The following CHAF1B variants were observed in gnomAD, a reference collection of about 807,000 sequenced individuals.
The protein encoded by CHAF1B is chromatin assembly factor 1 subunit B.
Under a neutral mutation model 60.7 loss-of-function variants are expected in CHAF1B, and 10 were observed. The observed-to-expected ratio is 0.16, with a 90% CI of 0.10 to 0.28. CHAF1B has a LOEUF of 0.28. Among genes scored for constraint, CHAF1B ranks in the 10% least tolerant of loss-of-function variants. CHAF1B has a pLI of 1.00. For synonymous variants in CHAF1B, 261 were observed against 266.1 expected, an observed-to-expected ratio of 0.98 and a Z score of 0.19; for missense variants, 558 against 708.4, an observed-to-expected ratio of 0.79 and a Z score of 2.41.
At chr21:36,396,318 A>G (rs535316100) in intron 5 of CHAF1B, among the ~76,000 whole-genome samples, 190 of 142,934 alleles carry the variant, frequency 1.3e-3, no homozygotes, top group African/African-American at 4.9e-3. Flanking sequence ...AGGTTTTATC[A>G]TAAGTGTGAT....
At position 36,409,465 on chromosome 21, in the gene CHAF1B, G is replaced by A; in HGVS notation, c.919G>A (p.Gly307Ser). 1 of 1,610,516 alleles carries A rather than the reference G, an allele frequency of 6.2e-7. No homozygotes were observed. The change falls in exon 10 of 14, where the codon GGT becomes AGT. Residue 307 changes from glycine to serine, a missense_variant and splice_region_variant. Physicochemically the swap from Gly to Ser is moderately conservative, Grantham distance 56. Transcript: ENST00000314103. ...YFELRPVVET[G>S]VELMSLPYRL... is the part of the protein sequence containing the mutation. ...TGAACTGAGGCCAGTGGTGGAAACA[G>A]GTATCCTCAGAGCCTCAGGGGTGTG...
chr21:36,407,224 C>T (rs998598868), intron 8 of CHAF1B, among the ~76,000 whole-genome samples: 2 of 151,796 alleles, frequency 1.3e-5, no homozygotes, highest in African/African-American at 4.8e-5. Flanking sequence ...ATCGCTCCAA[C>T]CCAGGAGGCA....
intron 12 of CHAF1B, 85 bp downstream of exon 12, chr21:36,413,400 T>A: frequency 7.5e-7 from 1 of 1,330,556 alleles, no homozygotes; most frequent in Non-Finnish European, 1.0e-6. Context: ...CAGGTGAAAT[T>A]TCAGGCGGTG....
chr21:36,412,425 T>C (rs2086285118), intron 11 of CHAF1B, among the ~76,000 whole-genome samples: 1 of 152,002 alleles, frequency 6.6e-6, no homozygotes, highest in Non-Finnish European at 1.5e-5. Context: ...AGTGGAACGA[T>C]CGTGGCTCAC....
chr21:36,397,487 A>T lies in CHAF1B; in HGVS notation c.554A>T (p.Tyr185Phe). The change falls in exon 6 of 14, where the codon TAT becomes TTT. Residue 185 changes from tyrosine (Y) to phenylalanine (F), a missense_variant. Tyr to Phe is a conservative substitution (Grantham distance 22). Transcript: ENST00000314103. ...GTAACCTGGGACCCTTTGGGTCAAT[A>T]TGTTGCTACTCTGAGCTGTGACAGG... ...QGVTWDPLGQ[Y>F]VATLSCDRVL... 6.4e-7 allele frequency: 1 copy of T among 1,560,176 alleles called. No individual in the cohort carries two copies. The highest frequency in any genetic ancestry group is 8.8e-7 in the Non-Finnish European group (1 of 1,142,336).
chr21:36,411,345 C>A, intron 10 of CHAF1B, 118 bp from the exon 11 acceptor site: 2 of 1,216,516 alleles, frequency 1.6e-6, no homozygotes, highest in Non-Finnish European at 2.3e-6. Context: ...AACTCCTGAG[C>A]TCAAGTGATC....
rs1188607115 is a variant in CHAF1B, at chr21:36,416,573, C to T, written c.*207C>T. The T allele has an allele frequency of 6.7e-6, 3 of 450,130 alleles. No homozygotes were observed. Among genetic ancestry groups the T allele is most frequent in the South Asian group, 5.1e-5 (1 of 19,794 alleles). 27.9% of individuals were successfully genotyped at this position (450,130 alleles called of 1,614,324 possible). A position where few individuals can be genotyped will look rare whatever the true frequency, so the allele number is the denominator to read the frequency against. On this transcript the variant is annotated 3_prime_UTR_variant, in exon 14 of 14. Coordinates refer to ENST00000314103, the MANE Select transcript of CHAF1B (RefSeq NM_005441.3). ...ATCCATTTTTAACTTGGGACATGAA[C>T]GTTTTAACGTAGTAAATCCTCTTTT...
intron 2 of CHAF1B, among the ~76,000 whole-genome samples, chr21:36,387,323 T>C (rs2086043321): frequency 1.3e-5 from 2 of 149,872 alleles, no homozygotes; most frequent in Admixed American, 1.3e-4. Flanking sequence ...GGGGCTCAAG[T>C]GATCCTCCCT....
At chr21:36,396,064 G>A (rs1225378756) in intron 5 of CHAF1B, among the ~76,000 whole-genome samples, 2 of 151,154 alleles carry the variant, frequency 1.3e-5, no homozygotes, top group East Asian at 3.9e-4. Context: ...GCAGTGGTGC[G>A]ATCTCAGCTC....
At position 36,386,274 on chromosome 21, in the gene CHAF1B, C is replaced by T. The variant is rs549681857; in HGVS notation, c.126+12C>T. On this transcript the variant is annotated intron_variant, in intron 2 of 13. Transcript: ENST00000314103. ...ACACCAATGTCAGGGTAAACTGGGGCAGAGATAGACATCCGGGAACACTGC... is the reference window on the plus strand; with the variant it reads ...ACACCAATGTCAGGGTAAACTGGGGTAGAGATAGACATCCGGGAACACTGC... The T allele has an allele frequency of 6.6e-5, 106 of 1,612,826 alleles. No individual in the cohort carries two copies. In the South Asian group the frequency reaches 1.1e-3, roughly 17 times the overall value.
At chr21:36,385,500 G>A (rs1326364028) in intron 1 of CHAF1B, 49 bp downstream of exon 1, 2 of 151,944 alleles carry the variant, frequency 1.3e-5, no homozygotes, top group Non-Finnish European at 2.9e-5. Flanking sequence ...TGGTCGCGTC[G>A]GTCCGGGCCA....
chr21:36,404,250 G>A (rs1207262604), intron 8 of CHAF1B, among the ~76,000 whole-genome samples: 20 of 151,186 alleles, frequency 1.3e-4, no homozygotes, highest in East Asian at 7.8e-4. Flanking sequence ...ACAGGTGTGC[G>A]CCACCACTCC....
intron 3 of CHAF1B, among the ~76,000 whole-genome samples, chr21:36,390,125 G>A (rs1002363051): frequency 6.6e-6 from 1 of 152,048 alleles, no homozygotes; most frequent in Non-Finnish European, 1.5e-5. Flanking sequence ...CCTGAGGTCA[G>A]GGGTTCGAGA....
intron 7 of CHAF1B, among the ~76,000 whole-genome samples, chr21:36,401,267 C>CA (rs1190684808): frequency 1.4e-5 from 2 of 138,072 alleles, no homozygotes; most frequent in Non-Finnish European, 3.1e-5. Context: ...AACTCTGGCT[C>CA]AAAAAAAAAT....
chr21:36,396,625 G>T (rs1480259273), intron 5 of CHAF1B, among the ~76,000 whole-genome samples: 2 of 149,942 alleles, frequency 1.3e-5, no homozygotes, highest in Non-Finnish European at 3.0e-5. Context: ...CTGCACTCCA[G>T]CCTGGGCAAC....
At chr21:36,407,608 G>A (rs890393017) in intron 8 of CHAF1B, among the ~76,000 whole-genome samples, 1 of 152,172 alleles carries the variant, frequency 6.6e-6, no homozygotes, top group Middle Eastern at 3.2e-3. Context: ...ATGTGAGCAT[G>A]GAGGAAATAT....
intron 8 of CHAF1B, among the ~76,000 whole-genome samples, chr21:36,408,474 C>T (rs1413528358): frequency 6.6e-6 from 1 of 152,150 alleles, no homozygotes; most frequent in African/African-American, 2.4e-5. Context: ...CAACGGTGCC[C>T]TATGGCAAAG....
At chr21:36,407,959 CAG>C (rs2086250531) in intron 8 of CHAF1B, among the ~76,000 whole-genome samples, 1 of 150,614 alleles carries the variant, frequency 6.6e-6, no homozygotes, top group South Asian at 2.1e-4. Context: ...GCCTGGGTGA[CAG>C]AGCAAGACTC....
intron 11 of CHAF1B, among the ~76,000 whole-genome samples, chr21:36,412,417 T>C (rs1455035103): frequency 1.3e-5 from 2 of 152,064 alleles, no homozygotes; most frequent in Non-Finnish European, 2.9e-5. Flanking sequence ...TGGAGTGCAG[T>C]GGAACGATCG....
Sources: allele counts gnomAD v4.1 joint callset (sites outside exome capture counted in the v4.1 genomes callset), GRCh38; gene constraint gnomAD v4.1.1; transcripts MANE v1.5; gene names NCBI Gene and HGNC (gene_info 2026-07-23, HGNC 2026-07-21).